The following PHF2 variants were observed in gnomAD, a reference collection of about 807,000 sequenced individuals.
The protein encoded by PHF2 is PHD finger protein 2, also known as lysine-specific demethylase PHF2.
PHF2 carries 27 observed loss-of-function variants against 120.5 expected under a neutral mutation model. The observed-to-expected ratio is 0.22, with a 90% CI of 0.17 to 0.31. The LOEUF (loss-of-function observed/expected upper bound fraction) is 0.31. Ranked by LOEUF, PHF2 falls within the 10% of genes least tolerant of loss-of-function variation. PHF2 has a pLI of 1.00. For missense variants in PHF2, 1,024 were observed against 1,434.8 expected, an observed-to-expected ratio of 0.71 and a Z score of 4.63; for synonymous variants, 568 against 592.5, an observed-to-expected ratio of 0.96 and a Z score of 0.60.
intron 11 of PHF2, 146 bp from the exon 12 acceptor site, chr9:93,660,046 A>G (rs73523906): frequency 0.017 from 16,480 of 959,706 alleles, 189 homozygotes; most frequent in Middle Eastern, 0.032. Context: ...AGTGTGTCAC[A>G]TGATGGTGTG....
At chr9:93,650,683 C>A (rs748166247) in intron 5 of PHF2, among the ~76,000 whole-genome samples, 9 of 152,342 alleles carry the variant, frequency 5.9e-5, no homozygotes, top group South Asian at 4.1e-4. Context: ...GTTCTCCCCC[C>A]AGGCTGTCAG....
chr9:93,637,912 G>T (rs1245145173), intron 3 of PHF2, among the ~76,000 whole-genome samples: 1 of 152,030 alleles, frequency 6.6e-6, no homozygotes, highest in African/African-American at 2.4e-5. Context: ...AGGGTATGAG[G>T]GTCTCGATTT....
intron 3 of PHF2, among the ~76,000 whole-genome samples, chr9:93,640,716 C>G (rs1367171273): frequency 6.6e-6 from 1 of 152,148 alleles, no homozygotes; most frequent in South Asian, 2.1e-4. Context: ...TCTTCGGATG[C>G]TTGCTTTGTC....
Position 93,609,398 on chromosome 9 carries a change from A to G in PHF2, c.99-20572A>G, listed in dbSNP as rs147277020. ...TTCTTTCTACAGATTCTAATTTCTG[A>G]TCTATATCATTTTCCTTCTCTCTGA... is the stretch of plus-strand genomic sequence containing the variant. On this transcript the variant is annotated intron_variant, in intron 1 of 21. Transcript: ENST00000359246. 2.5e-3 allele frequency among the ~76,000 whole-genome samples: 384 copies of G among 152,136 alleles called. 12 individuals are homozygous for G. In the East Asian group the frequency reaches 0.069, roughly 27 times the overall value.
In PHF2 at chr9:93,673,678, G is replaced by A. The variant is rs148170207; in HGVS notation, c.2442G>A (p.Thr814=). 99 of 1,612,840 alleles carry A rather than the reference G, an allele frequency of 6.1e-5. No individual in the cohort carries two copies. The East Asian group carries it at 8.5e-4, about 14-fold the overall frequency. ...LQASDSCLQT[T]WGAGQAKGSS... ...CCTCCGACTCCTGCCTGCAGACCAC[G>A]TGGGGAGCTGGCCAGGCCAAGGGGA... The change falls in exon 18 of 22, where the codon ACG becomes ACA. Residue 814 remains threonine, a synonymous_variant. Transcript: ENST00000359246.
chr9:93,581,470 A>AT (rs1033635061), intron 1 of PHF2, among the ~76,000 whole-genome samples: 2 of 152,178 alleles, frequency 1.3e-5, no homozygotes, highest in African/African-American at 4.8e-5. Context: ...GGAATAAATC[A>AT]TTTTAAAACA....
chr9:93,629,227 A>C (rs989608546), intron 1 of PHF2, among the ~76,000 whole-genome samples: 1 of 152,238 alleles, frequency 6.6e-6, no homozygotes, highest in Non-Finnish European at 1.5e-5. Context: ...TAAAAAAAGT[A>C]TCAGAATAAA....
chr9:93,669,040 T>C (rs987407591), intron 17 of PHF2, among the ~76,000 whole-genome samples: 4 of 152,228 alleles, frequency 2.6e-5, no homozygotes, highest in Non-Finnish European at 5.9e-5. Flanking sequence ...AGTATGATAA[T>C]TGGTGGATTA....
chr9:93,668,592 G>C (rs1826724896), intron 17 of PHF2, among the ~76,000 whole-genome samples: 1 of 152,166 alleles, frequency 6.6e-6, no homozygotes. Context: ...GTGGGCACCT[G>C]GGACTTGCAG....
intron 3 of PHF2, among the ~76,000 whole-genome samples, chr9:93,638,698 G>A (rs914043925): frequency 6.6e-6 from 1 of 152,146 alleles, no homozygotes; most frequent in African/African-American, 2.4e-5. Flanking sequence ...TTGAAATCAG[G>A]AAGTATAAGT....
chr9:93,675,677 C>G lies in PHF2; in HGVS notation c.2723-3C>G. ...TGAGGGGGCTGGCCCTTCTTTTCCA[C>G]AGCAAGGGTCGGCCCATCGGTGCCA... On this transcript the variant is annotated splice_region_variant and splice_polypyrimidine_tract_variant and intron_variant, in intron 19 of 21. Transcript: ENST00000359246. The G allele has an allele frequency of 6.2e-7, 1 of 1,608,842 alleles. No homozygotes were observed. The highest frequency in any genetic ancestry group is 8.5e-7 in the Non-Finnish European group (1 of 1,176,686).
chr9:93,664,504 CACTG>C (rs1826640104), intron 14 of PHF2, among the ~76,000 whole-genome samples: 1 of 152,226 alleles, frequency 6.6e-6, no homozygotes. Flanking sequence ...CTGCAGCAGC[CACTG>C]ACTAACTTGG....
intron 1 of PHF2, among the ~76,000 whole-genome samples, chr9:93,586,282 G>A (rs1464280524): frequency 2.0e-5 from 3 of 152,242 alleles, no homozygotes; most frequent in South Asian, 2.1e-4. Context: ...TGCCCTTGGT[G>A]CTTGTGGAAT....
At chr9:93,604,961 C>T (rs990861322) in intron 1 of PHF2, among the ~76,000 whole-genome samples, 1 of 152,122 alleles carries the variant, frequency 6.6e-6, no homozygotes, top group African/African-American at 2.4e-5. Flanking sequence ...CTTTAGGAAG[C>T]ATGTAGACAT....
At chr9:93,602,584 A>G (rs1336778002) in intron 1 of PHF2, among the ~76,000 whole-genome samples, 2 of 150,804 alleles carry the variant, frequency 1.3e-5, no homozygotes, top group Non-Finnish European at 3.0e-5. Flanking sequence ...GACTTTGATC[A>G]TTTTTTTCTA....
intron 17 of PHF2, 71 bp downstream of exon 17, chr9:93,667,311 T>C: frequency 6.5e-7 from 1 of 1,534,906 alleles, no homozygotes; most frequent in Non-Finnish European, 8.8e-7. Context: ...TCGGCCATGA[T>C]GGTGGGAGCC....
At position 93,677,752 on chromosome 9, in the gene PHF2, G is replaced by C; in HGVS notation, c.*76G>C. 9.0e-7 allele frequency: 1 copy of C among 1,107,758 alleles called. No homozygotes were observed. Among genetic ancestry groups the C allele is most frequent in the African/African-American group, 1.6e-5 (1 of 64,360 alleles). 68.6% of individuals were successfully genotyped at this position (1,107,758 alleles called of 1,614,324 possible). On this transcript the variant is annotated 3_prime_UTR_variant, in exon 22 of 22. Transcript: ENST00000359246. This position sits in a 1 kb window ranked among gnomAD's most constrained non-coding sequence, Gnocchi z 4.4. ...GCGAAAACATCTGCCTCCCAGGAGG[G>C]TGCCGAGCTGCCTCACCAGGGAGGG...
chr9:93,649,500 C>G (rs531375251), intron 5 of PHF2, among the ~76,000 whole-genome samples: 1 of 150,584 alleles, frequency 6.6e-6, no homozygotes, highest in South Asian at 2.1e-4. Context: ...AAAGCCTCCT[C>G]TGGTCTTGGC....
At chr9:93,660,986 G>A (rs1826555295) in intron 12 of PHF2, among the ~76,000 whole-genome samples, 1 of 152,078 alleles carries the variant, frequency 6.6e-6, no homozygotes, top group African/African-American at 2.4e-5. Context: ...AGGGGACAAA[G>A]AAGCCCTGGG....
Sources: allele counts gnomAD v4.1 joint callset (sites outside exome capture counted in the v4.1 genomes callset), GRCh38; gene constraint gnomAD v4.1.1; non-coding constraint Gnocchi (gnomAD v3.1); transcripts MANE v1.5; gene names NCBI Gene and HGNC (gene_info 2026-07-23, HGNC 2026-07-21).